The following WRAP73 variants were observed in gnomAD, a reference collection of about 807,000 sequenced individuals.
The protein encoded by WRAP73 is WD repeat-containing protein WRAP73.
Under a neutral mutation model 59.6 loss-of-function variants are expected in WRAP73, and 55 were observed. That is an observed-to-expected ratio of 0.92 (90% confidence interval 0.74 to 1.15). WRAP73 has a LOEUF of 1.15. Ranked by LOEUF, WRAP73 falls within the 50% of genes most tolerant of loss-of-function variation. The pLI, the probability that WRAP73 is intolerant of heterozygous loss-of-function variation, is 0.00. For synonymous variants in WRAP73, 265 were observed against 258.2 expected, an observed-to-expected ratio of 1.03 and a Z score of -0.25; for missense variants, 592 against 608.1, an observed-to-expected ratio of 0.97 and a Z score of 0.28.
At chr1:3,644,751 GGT>G (rs1303292293) in intron 3 of WRAP73, among the ~76,000 whole-genome samples, 1 of 152,188 alleles carries the variant, frequency 6.6e-6, no homozygotes, top group African/African-American at 2.4e-5. Context: ...CTGTAGCAAA[GGT>G]GTTTTCAATA....
chr1:3,631,975 G>T, intron 10 of WRAP73: 1 of 1,416,144 alleles, frequency 7.1e-7, no homozygotes, highest in Non-Finnish European at 9.2e-7. Context: ...CTACTCAGCA[G>T]AGTGGAGCAA....
intron 3 of WRAP73, among the ~76,000 whole-genome samples, chr1:3,643,151 G>C (rs1644662569): frequency 6.6e-6 from 1 of 152,240 alleles, no homozygotes; most frequent in African/African-American, 2.4e-5. Context: ...GGAAGGCCCA[G>C]CGATGCCTGT....
intron 9 of WRAP73, chr1:3,632,546 C>A: frequency 2.8e-6 from 2 of 706,536 alleles, no homozygotes; most frequent in Non-Finnish European, 4.6e-6. Flanking sequence ...ATGAGAGTGG[C>A]ACCATCACCT....
In WRAP73 at chr1:3,647,443, T is replaced by C; in HGVS notation, c.187A>G (p.Ile63Val). 1.9e-6 allele frequency: 3 copies of C among 1,613,868 alleles called. No homozygotes were observed. Among genetic ancestry groups the C allele is most frequent in the Non-Finnish European group, 2.5e-6 (3 of 1,179,922 alleles). ...CCTCGCTTGTACATGGCGCACAGGA[T>C]GAAGAGCGAGTCTGCCGACCACTCG... Reference protein sequence around the residue: ...HIEWSADSLFILCAMYKRGLV... With the variant: ...HIEWSADSLFVLCAMYKRGLV... Residue 63 changes from isoleucine (I) to valine (V), a missense_variant, in exon 2 of 12, where the codon ATC becomes GTC. By Grantham distance (29) the Ile-to-Val change is conservative. Transcript: ENST00000270708.
intron 1 of WRAP73, 124 bp from the exon 2 acceptor site, chr1:3,647,684 G>C (rs1280760156): frequency 2.0e-6 from 2 of 1,018,422 alleles, no homozygotes; most frequent in Admixed American, 5.6e-5. Context: ...TTCATGTCTA[G>C]ATCACCAGTG....
At chr1:3,641,486 A>G (rs1043546853) in intron 3 of WRAP73, among the ~76,000 whole-genome samples, 1 of 152,220 alleles carries the variant, frequency 6.6e-6, no homozygotes, top group Non-Finnish European at 1.5e-5. Flanking sequence ...ATGCCAGGGA[A>G]AAGGAAGCAG....
At chr1:3,631,442 C>G (rs375689474) in intron 11 of WRAP73, 24 bp downstream of exon 11, 13 of 1,566,358 alleles carry the variant, frequency 8.3e-6, no homozygotes, top group East Asian at 2.4e-5. Flanking sequence ...GCTGCCACGT[C>G]CGTGGCCTCG....
At chr1:3,631,183 C>G in intron 11 of WRAP73, 66 bp from the exon 12 acceptor site, 3 of 1,602,132 alleles carry the variant, frequency 1.9e-6, no homozygotes, top group Non-Finnish European at 2.6e-6. Flanking sequence ...GATGGGCACC[C>G]CCTTGTCCTG....
In WRAP73 at chr1:3,647,448, A is replaced by G; in HGVS notation, c.182T>C (p.Leu61Pro). 1 of 1,613,922 alleles carries G rather than the reference A, an allele frequency of 6.2e-7. No individual in the cohort carries two copies. Among genetic ancestry groups the G allele is most frequent in the East Asian group, 2.2e-5 (1 of 44,884 alleles). The change falls in exon 2 of 12, where the codon CTC (leucine) becomes CCC (proline). Residue 61 changes from leucine to proline, a missense_variant. Physicochemically the swap from Leu to Pro is moderately conservative, Grantham distance 98. Transcript: ENST00000270708. Reference sequence around the variant, plus strand: ...CTTGTACATGGCGCACAGGATGAAGAGCGAGTCTGCCGACCACTCGATGTG... The same window carrying G: ...CTTGTACATGGCGCACAGGATGAAGGGCGAGTCTGCCGACCACTCGATGTG... ...IQHIEWSADS[L>P]FILCAMYKRG... is the part of the protein sequence containing the mutation.
rs1557452907 is a variant in WRAP73 at position 3,631,673 on chromosome 1, C to T, written c.1049-16G>A. 6.3e-7 allele frequency: 1 copy of T among 1,579,514 alleles called. No individual in the cohort carries two copies. The highest frequency in any genetic ancestry group is 8.6e-7 in the Non-Finnish European group (1 of 1,166,970). On this transcript the variant is annotated splice_polypyrimidine_tract_variant and intron_variant, in intron 10 of 11. Coordinates refer to ENST00000270708, the MANE Select transcript of WRAP73 (RefSeq NM_017818.4). ...GGAATGTTGTCTGAGGAAGGAAGGACAGGGCACCGGTGTCATCCCTGCCTG... is the reference window on the plus strand; with the variant it reads ...GGAATGTTGTCTGAGGAAGGAAGGATAGGGCACCGGTGTCATCCCTGCCTG...
At chr1:3,635,431 T>C in intron 6 of WRAP73, 137 bp from the exon 7 acceptor site, 5 of 1,184,536 alleles carry the variant, frequency 4.2e-6, no homozygotes, top group Non-Finnish European at 4.7e-6. Context: ...GTGGAAAAGC[T>C]GGAACTGCCA....
At chr1:3,648,706 T>C (rs1249794636) in intron 1 of WRAP73, among the ~76,000 whole-genome samples, 1 of 152,188 alleles carries the variant, frequency 6.6e-6, no homozygotes, top group African/African-American at 2.4e-5. Context: ...GTGTACAAGC[T>C]GGAAAAAAAC....
chr1:3,645,306 G>A (rs1036738591), intron 3 of WRAP73, among the ~76,000 whole-genome samples: 3 of 152,068 alleles, frequency 2.0e-5, no homozygotes, highest in African/African-American at 7.2e-5. Flanking sequence ...TGGTGTGCGC[G>A]GCGCAGCGGG....
At chr1:3,647,728 T>C (rs911536572) in intron 1 of WRAP73, among the ~76,000 whole-genome samples, 168 bp from the exon 2 acceptor site, 2 of 152,240 alleles carry the variant, frequency 1.3e-5, no homozygotes, top group Non-Finnish European at 2.9e-5. Context: ...GTTCAGTTCA[T>C]ACAAGGGTAA....
intron 1 of WRAP73, 35 bp downstream of exon 1, chr1:3,649,896 A>T (rs763510508): frequency 1.9e-6 from 3 of 1,575,748 alleles, no homozygotes; most frequent in East Asian, 2.4e-5. Context: ...GGCACCGAGG[A>T]TGTCCTGCCC....
chr1:3,636,960 A>C (rs1557457682), intron 5 of WRAP73, 35 bp downstream of exon 5: 1 of 1,598,122 alleles, frequency 6.3e-7, no homozygotes, highest in Non-Finnish European at 8.6e-7. Flanking sequence ...CACAGTCAGC[A>C]GGACAACTTT....
chr1:3,649,428 C>A (rs182902598), intron 1 of WRAP73, among the ~76,000 whole-genome samples: 21 of 152,336 alleles, frequency 1.4e-4, no homozygotes, highest in Non-Finnish European at 1.5e-5. Flanking sequence ...GCAACAGAAT[C>A]ATCAATTTGC....
intron 3 of WRAP73, among the ~76,000 whole-genome samples, chr1:3,642,898 G>A (rs761135400): frequency 6.6e-6 from 1 of 152,048 alleles, no homozygotes; most frequent in Non-Finnish European, 1.5e-5. Flanking sequence ...CCGAGAATTA[G>A]GGAAACGCAA....
At chr1:3,649,368 AGAG>A (rs1644718591) in intron 1 of WRAP73, among the ~76,000 whole-genome samples, 2 of 152,244 alleles carry the variant, frequency 1.3e-5, no homozygotes, top group Non-Finnish European at 2.9e-5. Context: ...GAAGAGAATT[AGAG>A]GAGAAGTAGA....
Sources: allele counts gnomAD v4.1 joint callset (sites outside exome capture counted in the v4.1 genomes callset), GRCh38; gene constraint gnomAD v4.1.1; transcripts MANE v1.5; gene names NCBI Gene and HGNC (gene_info 2026-07-23, HGNC 2026-07-21).